Variants in PIWIL2 observed in about 807,000 individuals in gnomAD.
The protein encoded by PIWIL2 is piwi like RNA-mediated gene silencing 2, also known as piwi-like protein 2.
In PIWIL2, 81 loss-of-function variants were observed where a neutral mutation model predicts 116.5. That is an observed-to-expected ratio of 0.70 (90% CI 0.58 to 0.84). The LOEUF is 0.84. PIWIL2 is among the 40% of genes least tolerant of loss of function. The probability of loss-of-function intolerance (pLI) is 0.00; values close to 1 mark genes in which losing one functional copy is unlikely to be tolerated. For missense variants in PIWIL2, 1,272 were observed against 1,212.3 expected (o/e 1.05, Z -0.73); for synonymous variants, 489 against 429.5 (o/e 1.14, Z -1.71).
At chr8:22,281,563 T>G in intron 4 of PIWIL2, 48 bp downstream of exon 4, 2 of 1,459,050 alleles carry the variant, frequency 1.4e-6, no homozygotes, top group Non-Finnish European at 1.8e-6. Context: ...AGATGGAATA[T>G]CTCTGTAAGT....
chr8:22,333,973 G>GTT lies in PIWIL2; in HGVS notation c.2403+15710_2403+15711dup, dbSNP rs777729511. ...ACTAATGGGTACAGAGTTTTTTTGT[G>GTT]TTTTTTTTTTTTTGGAGACAGTTTT... On this transcript the variant is annotated intron_variant, in intron 20 of 22. Coordinates refer to ENST00000356766, the MANE Select transcript of PIWIL2 (RefSeq NM_018068.5). Among the ~76,000 whole-genome samples, 139 of 141,860 alleles carry GTT rather than the reference G, an allele frequency of 9.8e-4. 1 individual carries two copies. The highest frequency in any genetic ancestry group is 3.4e-3 in the African/African-American group (130 of 38,802). 93.1% of individuals were successfully genotyped at this position (141,860 alleles called of 152,430 possible).
intron 20 of PIWIL2, among the ~76,000 whole-genome samples, chr8:22,336,031 T>C (rs1253413032): frequency 6.6e-6 from 1 of 152,050 alleles, no homozygotes; most frequent in Non-Finnish European, 1.5e-5. Flanking sequence ...AAGGGAGAAA[T>C]AGGCAATTCA....
intron 10 of PIWIL2, among the ~76,000 whole-genome samples, chr8:22,294,951 G>A (rs890114375): frequency 5.4e-5 from 8 of 149,262 alleles, no homozygotes; most frequent in Non-Finnish European, 1.0e-4. Context: ...TGGTGGCGCA[G>A]GGCTGTAGTC....
chr8:22,309,764 A>G (rs891325225), intron 14 of PIWIL2, among the ~76,000 whole-genome samples, 197 bp from the exon 15 acceptor site: 1 of 152,176 alleles, frequency 6.6e-6, no homozygotes, highest in African/African-American at 2.4e-5. Flanking sequence ...ACCTATAATA[A>G]TTTTACCTAT....
intron 20 of PIWIL2, among the ~76,000 whole-genome samples, chr8:22,335,419 T>C (rs559758528): frequency 3.9e-4 from 2 of 5,194 alleles, no homozygotes; most frequent in East Asian, 3.7e-3. Context: ...TAGAGTGCAG[T>C]GGTGTGATCA....
At chr8:22,330,779 T>C (rs1321906702) in intron 20 of PIWIL2, among the ~76,000 whole-genome samples, 1 of 152,064 alleles carries the variant, frequency 6.6e-6, no homozygotes, top group Non-Finnish European at 1.5e-5. Context: ...TAGGACCACG[T>C]CTGGGCTTCC....
intron 20 of PIWIL2, among the ~76,000 whole-genome samples, chr8:22,323,070 C>T (rs943029637): frequency 6.6e-6 from 1 of 151,696 alleles, no homozygotes; most frequent in Non-Finnish European, 1.5e-5. Flanking sequence ...CACACCACCA[C>T]ACCCAGCTAA....
At position 22,344,857 on chromosome 8, in the gene PIWIL2, CAGAGTA is replaced by C. The variant is rs547063131; in HGVS notation, c.2404-8098_2404-8093del. On this transcript the variant is annotated intron_variant, in intron 20 of 22. Coordinates refer to ENST00000356766, the MANE Select transcript of PIWIL2 (RefSeq NM_018068.5). ...TGCCGCTGCACTCCAGCCTTGGTGA[CAGAGTA>C]AGACCCTTTTAAAGAAAAGATTAAA... Among the ~76,000 whole-genome samples, 8 of 152,112 alleles carry C rather than the reference CAGAGTA, an allele frequency of 5.3e-5. No individual in the cohort carries two copies. In the East Asian group the frequency reaches 1.5e-3, roughly 29 times the overall value.
At chr8:22,298,534 C>G (rs1830968490) in intron 10 of PIWIL2, among the ~76,000 whole-genome samples, 1 of 152,158 alleles carries the variant, frequency 6.6e-6, no homozygotes, top group Non-Finnish European at 1.5e-5. Context: ...GGGATTGACT[C>G]ACTTGACAGC....
intron 20 of PIWIL2, among the ~76,000 whole-genome samples, chr8:22,346,633 G>T (rs1199210649): frequency 2.0e-5 from 3 of 151,974 alleles, no homozygotes; most frequent in Non-Finnish European, 4.4e-5. Context: ...TGATATTAGG[G>T]CCCCTTTATA....
intron 10 of PIWIL2, among the ~76,000 whole-genome samples, 175 bp from the exon 11 acceptor site, chr8:22,303,846 T>G (rs895246551): frequency 6.6e-6 from 1 of 152,206 alleles, no homozygotes; most frequent in Non-Finnish European, 1.5e-5. Context: ...CCTAAAATGC[T>G]GGGATTACAA....
At chr8:22,279,012 T>C (rs1830440101) in intron 1 of PIWIL2, among the ~76,000 whole-genome samples, 1 of 152,134 alleles carries the variant, frequency 6.6e-6, no homozygotes, top group African/African-American at 2.4e-5. Flanking sequence ...TTATCTATTA[T>C]AATGTAATAA....
chr8:22,327,824 G>A (rs929425744), intron 20 of PIWIL2, among the ~76,000 whole-genome samples: 3 of 152,082 alleles, frequency 2.0e-5, no homozygotes, highest in Admixed American at 6.6e-5. Context: ...TTGTTGAGTC[G>A]TAGGAGTTTT....
chr8:22,342,217 G>A (rs1365998448), intron 20 of PIWIL2, among the ~76,000 whole-genome samples: 6 of 152,088 alleles, frequency 3.9e-5, no homozygotes, highest in East Asian at 1.9e-4. Flanking sequence ...ACTCAATATC[G>A]TTAGGATATC....
At chr8:22,347,834 T>A (rs904470178) in intron 20 of PIWIL2, among the ~76,000 whole-genome samples, 15 of 152,122 alleles carry the variant, frequency 9.9e-5, no homozygotes, top group African/African-American at 2.9e-4. Flanking sequence ...GCAGACTCAT[T>A]CTTCATGCCT....
intron 13 of PIWIL2, among the ~76,000 whole-genome samples, chr8:22,307,062 A>G (rs1831199394): frequency 6.6e-6 from 1 of 152,278 alleles, no homozygotes; most frequent in South Asian, 2.1e-4. Flanking sequence ...GACTTATGGT[A>G]ACATCAAATG....
chr8:22,278,732 G>A (rs1053385469), intron 1 of PIWIL2, among the ~76,000 whole-genome samples: 4 of 152,246 alleles, frequency 2.6e-5, no homozygotes, highest in Non-Finnish European at 4.4e-5. Context: ...AGCTTCATCT[G>A]TATTGACAGC....
intron 6 of PIWIL2, among the ~76,000 whole-genome samples, chr8:22,284,674 T>C (rs1365791558): frequency 7.3e-6 from 1 of 137,170 alleles, no homozygotes; most frequent in Non-Finnish European, 1.6e-5. Context: ...ATCCATGCCC[T>C]ATGAAACCTG....
intron 13 of PIWIL2, among the ~76,000 whole-genome samples, chr8:22,307,631 G>T (rs554848132): frequency 6.6e-6 from 1 of 151,726 alleles, no homozygotes; most frequent in Admixed American, 6.6e-5. Context: ...TACAGGGCAC[G>T]CACCACCATA....
Sources: gnomAD v4.1 joint callset for allele counts (sites outside exome capture counted in the v4.1 genomes callset) on GRCh38, gnomAD v4.1.1 for gene constraint, MANE v1.5 for transcripts, NCBI Gene and HGNC (gene_info 2026-07-23, HGNC 2026-07-21) for gene names.